The following MOB3B variants were observed in gnomAD, a reference collection of about 807,000 sequenced individuals.
The protein encoded by MOB3B is MOB kinase activator 3B, also known as MOB kinase activator-like 2B.
Under a neutral mutation model 18.7 loss-of-function variants are expected in MOB3B, and 7 were observed. That is an observed-to-expected ratio of 0.37 (90% CI 0.21 to 0.70). The LOEUF is 0.70. MOB3B is among the 30% of genes least tolerant of loss of function. The pLI is 0.52. For missense variants in MOB3B, 253 were observed against 281.3 expected, an observed-to-expected ratio of 0.90 and a Z score of 0.72; for synonymous variants, 111 against 99.9, an observed-to-expected ratio of 1.11 and a Z score of -0.66.
intron 1 of MOB3B, among the ~76,000 whole-genome samples, chr9:27,495,017 G>A (rs1044743956): frequency 8.5e-5 from 13 of 152,086 alleles, no homozygotes; most frequent in African/African-American, 3.1e-4. Flanking sequence ...CAAGGTTCTT[G>A]GGAAAAACTG....
intron 2 of MOB3B, among the ~76,000 whole-genome samples, chr9:27,412,531 G>C (rs895713615): frequency 1.3e-5 from 2 of 152,124 alleles, no homozygotes; most frequent in African/African-American, 4.8e-5. Flanking sequence ...TTAGTCTCTT[G>C]TTTGGTTTTC....
intron 1 of MOB3B, among the ~76,000 whole-genome samples, chr9:27,481,520 GT>G (rs1224985717): frequency 2.7e-3 from 251 of 91,718 alleles, no homozygotes; most frequent in Middle Eastern, 0.011. Context: ...TGTTTTTTTT[GT>G]TTTTTTTTTT....
intron 2 of MOB3B, among the ~76,000 whole-genome samples, chr9:27,449,995 A>AG (rs1385720121): frequency 1.3e-5 from 2 of 151,878 alleles, no homozygotes; most frequent in African/African-American, 4.8e-5. Flanking sequence ...AAAAAAAAAA[A>AG]AAAAAAAACT....
intron 2 of MOB3B, among the ~76,000 whole-genome samples, chr9:27,382,215 A>G (rs1429822642): frequency 2.0e-5 from 3 of 152,196 alleles, no homozygotes; most frequent in Non-Finnish European, 2.9e-5. Flanking sequence ...TACTAGGTCA[A>G]TTCCTCGACA....
rs77759170 is a variant in MOB3B, at chr9:27,327,489, T to G, written c.*3098A>C. 1 of 152,096 alleles carries G rather than the reference T, an allele frequency of 6.6e-6. No homozygotes were observed. The highest frequency in any genetic ancestry group is 2.1e-4 in the South Asian group (1 of 4,816). 9.4% of individuals were successfully genotyped at this position (152,096 alleles called of 1,614,324 possible). Reference sequence around the variant, plus strand: ...AAACAATCAGTAAAAAAGTCTAGATTGTGGGACATTCCACAAACTTGCCTG... The same window carrying G: ...AAACAATCAGTAAAAAAGTCTAGATGGTGGGACATTCCACAAACTTGCCTG... On this transcript the variant is annotated 3_prime_UTR_variant, in exon 4 of 4. Transcript: ENST00000262244.
At chr9:27,514,345 C>CAAAAAAAAAAA (rs34526085) in intron 1 of MOB3B, among the ~76,000 whole-genome samples, 22 of 77,604 alleles carry the variant, frequency 2.8e-4, no homozygotes, top group East Asian at 4.0e-4. Context: ...ACCACAAGCT[C>CAAAAAAAAAAA]AAAAAAAAAA....
intron 2 of MOB3B, among the ~76,000 whole-genome samples, chr9:27,442,667 C>T (rs913660585): frequency 3.3e-5 from 5 of 152,210 alleles, no homozygotes; most frequent in African/African-American, 1.2e-4. Flanking sequence ...GTAACACCCT[C>T]TCTGACTTCC....
In MOB3B at chr9:27,529,702, C is replaced by T. The variant is rs3202600; in HGVS notation, c.-346G>A. The T allele has an allele frequency of 0.21, 211,552 of 985,316 alleles. 23,573 individuals are homozygous for T. Among genetic ancestry groups the T allele is most frequent in the African/African-American group, 0.34 (19,496 of 57,294 alleles). The allele number at this position is 985,316 out of a possible 1,614,324, so 61.0% of individuals were successfully genotyped here. On this transcript the variant is annotated 5_prime_UTR_variant, in exon 1 of 4. Coordinates refer to ENST00000262244, the MANE Select transcript of MOB3B (RefSeq NM_024761.5). ...GACTCTGCCGCCGGTGCGCGAGGTC[C>T]CGGCGAGCCAACCGGCGGACGGGCG...
Position 27,388,701 on chromosome 9 carries a change from G to A in MOB3B, c.419-29465C>T, listed in dbSNP as rs148086893. ...GGAGATGATTCTTCAAATTTAACCT[G>A]TCTAACACATGTTGAATATATTCTT... On this transcript the variant is annotated intron_variant, in intron 2 of 3. Transcript: ENST00000262244. 5.3e-4 allele frequency among the ~76,000 whole-genome samples: 80 copies of A among 152,086 alleles called. 2 individuals carry two copies. In the East Asian group the frequency reaches 0.014, roughly 27 times the overall value.
In MOB3B at chr9:27,328,694, G is replaced by C. The variant is rs375178135; in HGVS notation, c.*1893C>G. 1.3e-5 allele frequency: 2 copies of C among 152,318 alleles called. No homozygotes were observed. Among genetic ancestry groups the C allele is most frequent in the African/African-American group, 4.8e-5 (2 of 41,550 alleles). The allele number at this position is 152,318 out of a possible 1,614,324, so 9.4% of individuals were successfully genotyped here. Reference sequence around the variant, plus strand: ...AGCTACAGAGTTCCTCCAGGGCATGGGCTCCGTAGTTACCTCTCTGTGCCA... The same window carrying C: ...AGCTACAGAGTTCCTCCAGGGCATGCGCTCCGTAGTTACCTCTCTGTGCCA... On this transcript the variant is annotated 3_prime_UTR_variant, in exon 4 of 4. Transcript: ENST00000262244.
At chr9:27,406,919 A>G (rs544430709) in intron 2 of MOB3B, among the ~76,000 whole-genome samples, 2 of 151,888 alleles carry the variant, frequency 1.3e-5, no homozygotes, top group African/African-American at 4.8e-5. Context: ...GCTCACTGCA[A>G]CCTCCACCTT....
intron 1 of MOB3B, among the ~76,000 whole-genome samples, chr9:27,482,968 T>C (rs1471423664): frequency 1.3e-5 from 2 of 152,156 alleles, no homozygotes; most frequent in African/African-American, 4.8e-5. Flanking sequence ...ACCTGTCTTA[T>C]CCACTGGAAA....
chr9:27,381,363 C>G (rs1202658551), intron 2 of MOB3B, among the ~76,000 whole-genome samples: 1 of 152,044 alleles, frequency 6.6e-6, no homozygotes, highest in East Asian at 1.9e-4. Context: ...CTGAGGACTG[C>G]TAAAGACTTA....
At chr9:27,408,946 C>T (rs998648975) in intron 2 of MOB3B, among the ~76,000 whole-genome samples, 2 of 152,306 alleles carry the variant, frequency 1.3e-5, no homozygotes, top group African/African-American at 4.8e-5. Flanking sequence ...AAAAAGCCTC[C>T]TGCTTAGTCA....
At chr9:27,370,216 A>G (rs564277655) in intron 2 of MOB3B, among the ~76,000 whole-genome samples, 111 of 152,252 alleles carry the variant, frequency 7.3e-4, no homozygotes, top group African/African-American at 2.4e-3. Context: ...GCCTTTAAAA[A>G]GGAGGGTCCT....
intron 2 of MOB3B, among the ~76,000 whole-genome samples, chr9:27,448,809 T>G (rs970637474): frequency 6.6e-5 from 10 of 152,228 alleles, no homozygotes; most frequent in African/African-American, 2.4e-4. Flanking sequence ...TTCCAGAGTC[T>G]TGGAAAAACT....
intron 1 of MOB3B, among the ~76,000 whole-genome samples, chr9:27,511,759 A>G (rs933866847): frequency 2.6e-5 from 4 of 151,970 alleles, no homozygotes; most frequent in African/African-American, 9.7e-5. Flanking sequence ...TTTTTCTTTT[A>G]ATCTCTATTG....
intron 1 of MOB3B, among the ~76,000 whole-genome samples, chr9:27,457,904 C>A (rs1432455478): frequency 1.3e-5 from 2 of 152,080 alleles, no homozygotes; most frequent in Admixed American, 6.5e-5. Context: ...CTAAAGAATA[C>A]CTTCCTAAAA....
At chr9:27,474,671 A>G (rs1257507995) in intron 1 of MOB3B, among the ~76,000 whole-genome samples, 1 of 152,230 alleles carries the variant, frequency 6.6e-6, no homozygotes, top group African/African-American at 2.4e-5. Flanking sequence ...GGGAAGAGAC[A>G]TTCATGACAA....
Sources: allele counts gnomAD v4.1 joint callset (sites outside exome capture counted in the v4.1 genomes callset), GRCh38; gene constraint gnomAD v4.1.1; transcripts MANE v1.5; gene names NCBI Gene and HGNC (gene_info 2026-07-23, HGNC 2026-07-21).